EWSR1: variants seen among roughly 807,000 people sequenced by gnomAD.
EWSR1 encodes the protein EWS RNA binding protein 1, also known as RNA-binding protein EWS.
Under a neutral mutation model 92.1 loss-of-function variants are expected in EWSR1, and 14 were observed. The ratio of observed to expected loss-of-function variants is 0.15; its 90% CI spans 0.10 to 0.24. The LOEUF is 0.24. Among genes scored for constraint, EWSR1 ranks in the 10% least tolerant of loss-of-function variants. The probability of loss-of-function intolerance (pLI) is 1.00; values close to 1 mark genes in which losing one functional copy is unlikely to be tolerated. For missense variants in EWSR1, 637 were observed against 870.9 expected, an observed-to-expected ratio of 0.73 and a Z score of 3.38; for synonymous variants, 303 against 292.9, an observed-to-expected ratio of 1.03 and a Z score of -0.35.
At chr22:29,274,189 A>C (rs2058923181) in intron 4 of EWSR1, 1 of 1,519,792 alleles carries the variant, frequency 6.6e-7, no homozygotes, top group African/African-American at 1.4e-5. Flanking sequence ...TGAGCTGCTT[A>C]AAAATCAAAC....
At chr22:29,285,247 T>C (rs1310496618) in intron 6 of EWSR1, among the ~76,000 whole-genome samples, 1 of 148,872 alleles carries the variant, frequency 6.7e-6, no homozygotes, top group Non-Finnish European at 1.5e-5. Context: ...CCGCAGCCTC[T>C]CGAGTAGCTG....
chr22:29,274,179 T>A, intron 4 of EWSR1: 1 of 1,392,730 alleles, frequency 7.2e-7, no homozygotes, highest in South Asian at 1.2e-5. Context: ...CTTCTTAAAT[T>A]GAGCTGCTTA....
intron 6 of EWSR1, among the ~76,000 whole-genome samples, chr22:29,283,452 G>GTTCATGCC (rs1569080793): frequency 1.4e-5 from 2 of 145,584 alleles, no homozygotes; most frequent in African/African-American, 5.6e-5. Context: ...GCCTCCTAGG[G>GTTCATGCC]ATTCTCATGC....
intron 15 of EWSR1, 45 bp downstream of exon 15, chr22:29,299,376 A>G: frequency 6.3e-7 from 1 of 1,584,932 alleles, no homozygotes; most frequent in Non-Finnish European, 8.6e-7. Flanking sequence ...CCTGGTGCTA[A>G]ACCTCTTTTC....
intron 8 of EWSR1, chr22:29,290,740 C>T (rs770516439): frequency 1.8e-5 from 22 of 1,195,036 alleles, no homozygotes; most frequent in Non-Finnish European, 2.3e-5. Flanking sequence ...CTGCATGCAA[C>T]AGCTTGAAAT....
rs572971697 is a variant in EWSR1, at chr22:29,287,584, A to G, written c.793+450A>G. ...GGAATCCAGGACACATCTTTAGGGC[A>G]TGGCATTCCAGCTAACATCTTGGAT... is the stretch of plus-strand genomic sequence containing the variant. On this transcript the variant is annotated intron_variant, in intron 7 of 16. Transcript: ENST00000397938. Among the ~76,000 whole-genome samples the G allele has an allele frequency of 1.2e-4, 18 of 152,262 alleles. 1 individual carries two copies. The South Asian group carries it at 1.9e-3, about 16-fold the overall frequency.
chr22:29,272,790 G>A (rs1215401268), intron 3 of EWSR1, among the ~76,000 whole-genome samples: 5 of 152,210 alleles, frequency 3.3e-5, no homozygotes, highest in Non-Finnish European at 7.4e-5. Context: ...ACATTGCAGT[G>A]CATAGATATT....
chr22:29,291,197 A>G lies in EWSR1; in HGVS notation c.975-365A>G, dbSNP rs2060416085. 3 of 274,114 alleles carry G rather than the reference A, an allele frequency of 1.1e-5. No homozygotes were observed. In the East Asian group the frequency reaches 1.6e-4, roughly 15 times the overall value. The allele number at this position is 274,114 out of a possible 1,614,324, so 17.0% of individuals were successfully genotyped here. A position where few individuals can be genotyped will look rare whatever the true frequency, so the allele number is the denominator to read the frequency against. ...CACCTTTATGAACATGGAAAGGTTT[A>G]TCACAGCAGTTAACCCCCACTTGCT... is the stretch of plus-strand genomic sequence containing the variant. On this transcript the variant is annotated intron_variant, in intron 8 of 16. Coordinates refer to ENST00000397938, the MANE Select transcript of EWSR1 (RefSeq NM_005243.4).
Position 29,298,835 on chromosome 22 carries a change from G to A in EWSR1, c.1520G>A (p.Gly507Glu), listed in dbSNP as rs750873132. ...FPPRGPRGSR[G>E]NPSGGGNVQH... ...CCAAGAGGACCCCGGGGTTCCCGAG[G>A]GAACCCCTCTGGAGGAGGAAACGTC... Residue 507 changes from glycine (G) to glutamate (E), a missense_variant, in exon 14 of 17, where the codon GGG (glycine) becomes GAG (glutamate). Coordinates refer to ENST00000397938, the MANE Select transcript of EWSR1 (RefSeq NM_005243.4). 1 of 1,595,110 alleles carries A rather than the reference G, an allele frequency of 6.3e-7. No individual in the cohort carries two copies. Among genetic ancestry groups the A allele is most frequent in the South Asian group, 1.1e-5 (1 of 88,222 alleles).
chr22:29,288,031 C>A (rs1315892365), intron 7 of EWSR1, among the ~76,000 whole-genome samples: 2 of 152,204 alleles, frequency 1.3e-5, no homozygotes, highest in South Asian at 2.1e-4. Flanking sequence ...AATAAAGATT[C>A]TTTAAGAAAA....
chr22:29,291,773 A>C (rs2147532317), intron 9 of EWSR1, 174 bp downstream of exon 9: 1 of 619,014 alleles, frequency 1.6e-6, no homozygotes, highest in East Asian at 2.8e-5. Flanking sequence ...CTATGGTTAC[A>C]AAACAAAGGG....
At chr22:29,282,866 C>A (rs2059719707) in intron 6 of EWSR1, among the ~76,000 whole-genome samples, 1 of 151,498 alleles carries the variant, frequency 6.6e-6, no homozygotes, top group Admixed American at 6.6e-5. Context: ...GGGTTCACGC[C>A]ATTCTCCTGC....
chr22:29,294,986 T>C (rs1392674488), intron 11 of EWSR1, among the ~76,000 whole-genome samples: 1 of 152,072 alleles, frequency 6.6e-6, no homozygotes, highest in Non-Finnish European at 1.5e-5. Context: ...TAGGTGTGTG[T>C]GTGCACAGAT....
At chr22:29,269,384 G>A (rs1434589096) in intron 1 of EWSR1, 3 of 152,242 alleles carry the variant, frequency 2.0e-5, no homozygotes, top group African/African-American at 7.2e-5. Context: ...TCCAAAATGG[G>A]AGTAGAGTGG....
intron 4 of EWSR1, 117 bp from the exon 5 acceptor site, chr22:29,277,913 A>C: frequency 2.3e-6 from 2 of 863,578 alleles, no homozygotes; most frequent in Non-Finnish European, 3.5e-6. Context: ...GGAATATTTA[A>C]AGGGATTCAA....
At chr22:29,270,347 T>G (rs1447616363) in intron 1 of EWSR1, among the ~76,000 whole-genome samples, 1 of 152,202 alleles carries the variant, frequency 6.6e-6, no homozygotes. Flanking sequence ...TGAAGTGATT[T>G]TTAGTGAAGT....
At chr22:29,295,314 A>G (rs1444883046) in intron 11 of EWSR1, among the ~76,000 whole-genome samples, 1 of 152,156 alleles carries the variant, frequency 6.6e-6, no homozygotes, top group African/African-American at 2.4e-5. Flanking sequence ...TTTTGGAAAT[A>G]AAGATGTTAA....
chr22:29,297,158 G>GT (rs542395991), intron 12 of EWSR1, among the ~76,000 whole-genome samples: 244 of 151,992 alleles, frequency 1.6e-3, no homozygotes, highest in Non-Finnish European at 2.5e-3. Flanking sequence ...TGCTTGTGTT[G>GT]TTTTTTTTGA....
At chr22:29,292,360 A>T in intron 10 of EWSR1, 128 bp from the exon 11 acceptor site, 1 of 921,306 alleles carries the variant, frequency 1.1e-6, no homozygotes, top group South Asian at 1.5e-5. Context: ...GTTTGATAGC[A>T]TTCTTCTTAG....
Sources: gnomAD v4.1 joint callset for allele counts (sites outside exome capture counted in the v4.1 genomes callset) on GRCh38, gnomAD v4.1.1 for gene constraint, MANE v1.5 for transcripts, NCBI Gene and HGNC (gene_info 2026-07-23, HGNC 2026-07-21) for gene names.